Variants in ATL3 observed in about 807,000 individuals in gnomAD.
ATL3 encodes atlastin-3.
Under a neutral mutation model 69.5 loss-of-function variants are expected in ATL3, and 49 were observed. The ratio of observed to expected loss-of-function variants is 0.71; its 90% CI spans 0.56 to 0.89. The LOEUF is 0.89. Among genes scored for constraint, ATL3 ranks in the 40% least tolerant of loss-of-function variants. The pLI is 0.00. For synonymous variants in ATL3, 214 were observed against 224.1 expected (o/e 0.95, Z 0.40); for missense variants, 606 against 645.7 (o/e 0.94, Z 0.67).
At chr11:63,656,445 G>A (rs2134517528) in intron 3 of ATL3, among the ~76,000 whole-genome samples, 1 of 151,906 alleles carries the variant, frequency 6.6e-6, no homozygotes, top group East Asian at 1.9e-4. Context: ...CAGAAACAAT[G>A]TCAGCAGACT....
At chr11:63,666,463 T>G (rs1479006081) in intron 1 of ATL3, among the ~76,000 whole-genome samples, 1 of 152,170 alleles carries the variant, frequency 6.6e-6, no homozygotes. Flanking sequence ...TATACAAATT[T>G]AGGACTCAAA....
intron 8 of ATL3, among the ~76,000 whole-genome samples, chr11:63,641,790 G>T (rs1590726863): frequency 1.3e-5 from 2 of 152,150 alleles, no homozygotes; most frequent in East Asian, 3.9e-4. Flanking sequence ...AAAAGCCAGG[G>T]TTACTGAACT....
chr11:63,664,017 C>T (rs1940500861), intron 1 of ATL3, among the ~76,000 whole-genome samples: 1 of 152,108 alleles, frequency 6.6e-6, no homozygotes, highest in Admixed American at 6.6e-5. Context: ...AGGGCAACAC[C>T]CCAGGAATGC....
rs1433544139 is a variant in ATL3, at chr11:63,632,950, A to C, written c.1107+76T>G. ...ATCACTTAAAGATACATTAAGTAGG[A>C]TCAAGTTGGGCTTTTGAAGTCAGCA... On this transcript the variant is annotated intron_variant, in intron 11 of 12. Coordinates refer to ENST00000398868, the MANE Select transcript of ATL3 (RefSeq NM_015459.5). The C allele has an allele frequency of 5.2e-6, 7 of 1,346,352 alleles. No individual in the cohort carries two copies. In the East Asian group the frequency reaches 1.6e-4, roughly 31 times the overall value. The allele number at this position is 1,346,352 out of a possible 1,614,324, so 83.4% of individuals were successfully genotyped here.
At chr11:63,647,461 G>A (rs1939921283) in intron 5 of ATL3, among the ~76,000 whole-genome samples, 1 of 152,206 alleles carries the variant, frequency 6.6e-6, no homozygotes, top group Non-Finnish European at 1.5e-5. Flanking sequence ...CCAAAGTGCT[G>A]GGATTACAGG....
At chr11:63,634,224 G>T (rs568629887) in intron 10 of ATL3, among the ~76,000 whole-genome samples, 2 of 150,086 alleles carry the variant, frequency 1.3e-5, no homozygotes, top group African/African-American at 2.5e-5. Context: ...AAAAAAAAGG[G>T]GGCTGGGCGC....
At position 63,629,295 on chromosome 11, in the gene ATL3, T is replaced by C; in HGVS notation, c.*24A>G. ...AAATCAGTAGGGGCTTGTTGTGTTC[T>C]TGTTTGATCTTCACGTTAAGATGCT... On this transcript the variant is annotated 3_prime_UTR_variant, in exon 13 of 13. Transcript: ENST00000398868. 1 of 1,596,698 alleles carries C rather than the reference T, an allele frequency of 6.3e-7. No individual in the cohort carries two copies. The highest frequency in any genetic ancestry group is 8.6e-7 in the Non-Finnish European group (1 of 1,164,128).
intron 1 of ATL3, among the ~76,000 whole-genome samples, chr11:63,669,024 C>A (rs1468591438): frequency 1.6e-5 from 2 of 125,652 alleles, no homozygotes; most frequent in Admixed American, 8.1e-5. Context: ...TGGGGGGGGG[C>A]GTCTCACCAT....
At chr11:63,664,300 A>G (rs553043987) in intron 1 of ATL3, among the ~76,000 whole-genome samples, 1 of 152,246 alleles carries the variant, frequency 6.6e-6, no homozygotes, top group African/African-American at 2.4e-5. Context: ...GCACCTTGGG[A>G]GGCCGAGGCA....
upstream of ATL3, chr11:63,671,870 T>C (rs750165964): frequency 4.1e-6 from 2 of 493,334 alleles, no homozygotes; most frequent in African/African-American, 2.2e-5. Context: ...GCCGAGGCTT[T>C]ATCCTGGAAC....
chr11:63,647,581 A>C (rs1046932388), intron 5 of ATL3, among the ~76,000 whole-genome samples: 1 of 152,158 alleles, frequency 6.6e-6, no homozygotes, highest in African/African-American at 2.4e-5. Flanking sequence ...ACTAGCATTT[A>C]AACTCCATGA....
chr11:63,630,993 A>G (rs1939294006), intron 12 of ATL3, 47 bp downstream of exon 12: 2 of 1,525,142 alleles, frequency 1.3e-6, no homozygotes, highest in South Asian at 1.3e-5. Flanking sequence ...AGAAGCACAA[A>G]TATCTGCCCA....
At chr11:63,644,363 G>C (rs933851501) in intron 6 of ATL3, 102 bp from the exon 7 acceptor site, 11 of 645,666 alleles carry the variant, frequency 1.7e-5, no homozygotes, top group Non-Finnish European at 2.7e-5. Flanking sequence ...TACAAAGGGG[G>C]TAAAGTAGAA....
At chr11:63,661,238 A>G (rs886681909) in intron 1 of ATL3, among the ~76,000 whole-genome samples, 7 of 151,480 alleles carry the variant, frequency 4.6e-5, no homozygotes, top group Admixed American at 6.6e-5. Flanking sequence ...AAAAAAAAAG[A>G]AGGAAATGAA....
chr11:63,636,070 C>CA (rs1939505212), intron 9 of ATL3, 137 bp downstream of exon 9: 1 of 1,083,314 alleles, frequency 9.2e-7, no homozygotes, highest in Non-Finnish European at 1.3e-6. Context: ...GGAAGGACAC[C>CA]AAGGTCTCTG....
intron 1 of ATL3, among the ~76,000 whole-genome samples, chr11:63,666,608 G>A (rs1294509034): frequency 4.0e-5 from 6 of 150,094 alleles, no homozygotes; most frequent in Non-Finnish European, 8.9e-5. Context: ...CAGCACTTTG[G>A]GAGGCCGAGG....
chr11:63,637,250 T>A (rs1057273223), intron 8 of ATL3, among the ~76,000 whole-genome samples: 1 of 148,752 alleles, frequency 6.7e-6, no homozygotes, highest in African/African-American at 2.5e-5. Flanking sequence ...CACTCCAGCC[T>A]GGGCAACAGA....
intron 8 of ATL3, among the ~76,000 whole-genome samples, chr11:63,639,880 A>G (rs530498315): frequency 1.3e-5 from 2 of 152,316 alleles, no homozygotes; most frequent in South Asian, 4.1e-4. Context: ...ATTTAATAAT[A>G]TATCACAAAC....
rs1046181836 is a variant in ATL3 at position 63,658,986 on chromosome 11, T to C, written c.261+52A>G. ...ATAATCTATGAGCTTATTTCGCTTT[T>C]TTGGACATTAAAGTCTCACTTTTTA... On this transcript the variant is annotated intron_variant, in intron 2 of 12. Coordinates refer to ENST00000398868, the MANE Select transcript of ATL3 (RefSeq NM_015459.5). 15 of 1,604,976 alleles carry C rather than the reference T, an allele frequency of 9.3e-6. No homozygotes were observed. The African/African-American group carries it at 1.6e-4, about 17-fold the overall frequency.
Sources: gnomAD v4.1 joint callset for allele counts (sites outside exome capture counted in the v4.1 genomes callset) on GRCh38, gnomAD v4.1.1 for gene constraint, MANE v1.5 for transcripts, NCBI Gene and HGNC (gene_info 2026-07-23, HGNC 2026-07-21) for gene names.